AGTPBP1: variants seen among roughly 807,000 people sequenced by gnomAD.
AGTPBP1 encodes the protein cytosolic carboxypeptidase 1.
Under a neutral mutation model 143.9 loss-of-function variants are expected in AGTPBP1, and 70 were observed. That is an observed-to-expected ratio of 0.49 (90% CI 0.40 to 0.59). The LOEUF is 0.59. Among genes scored for constraint, AGTPBP1 ranks in the 20% least tolerant of loss-of-function variants. The probability of loss-of-function intolerance (pLI) is 0.00; values close to 1 mark genes in which losing one functional copy is unlikely to be tolerated. For synonymous variants in AGTPBP1, 463 were observed against 500.2 expected, an observed-to-expected ratio of 0.93 and a Z score of 0.99; for missense variants, 1,229 against 1,464.5, an observed-to-expected ratio of 0.84 and a Z score of 2.62.
At chr9:85,616,177 AT>A (rs1330477411) in intron 17 of AGTPBP1, among the ~76,000 whole-genome samples, 1 of 151,922 alleles carries the variant, frequency 6.6e-6, no homozygotes. Context: ...CAATGGTTTT[AT>A]TTTTTTCTTA....
chr9:85,669,755 T>C (rs1834367510), intron 7 of AGTPBP1, among the ~76,000 whole-genome samples, 177 bp from the exon 8 acceptor site: 1 of 151,370 alleles, frequency 6.6e-6, no homozygotes, highest in South Asian at 2.1e-4. Context: ...GTTTTTGCTT[T>C]GTTATGGAAA....
chr9:85,576,868 G>C (rs1827933642), intron 24 of AGTPBP1, among the ~76,000 whole-genome samples: 1 of 151,994 alleles, frequency 6.6e-6, no homozygotes, highest in Non-Finnish European at 1.5e-5. Flanking sequence ...GAAAGCCCTG[G>C]CTTAGTAAGA....
At chr9:85,765,726 G>A in the AGTPBP1 span, among the ~76,000 whole-genome samples, 6 of 152,134 alleles carry the variant, frequency 3.9e-5, no homozygotes, top group Non-Finnish European at 7.3e-5. Context: ...GCTAAGAGAA[G>A]GTGAATAGCT....
chr9:85,568,905 T>C (rs1270339520), intron 25 of AGTPBP1, among the ~76,000 whole-genome samples: 1 of 152,074 alleles, frequency 6.6e-6, no homozygotes, highest in Non-Finnish European at 1.5e-5. Flanking sequence ...TCTAGACCAG[T>C]TAATTTTGTG....
At chr9:85,768,116 G>A in the AGTPBP1 span, among the ~76,000 whole-genome samples, 2 of 152,226 alleles carry the variant, frequency 1.3e-5, no homozygotes, top group Admixed American at 1.3e-4. Flanking sequence ...TGCTGAGTTA[G>A]AGGGAACTGC....
chr9:85,618,978 C>G lies in AGTPBP1; in HGVS notation c.2335+5G>C, dbSNP rs1375754936. ...CATTTCAATTGGGAAAGAAAACTGTCTTACCATAATTAAACTGACTGTTGG... is the reference window on the plus strand; with the variant it reads ...CATTTCAATTGGGAAAGAAAACTGTGTTACCATAATTAAACTGACTGTTGG... On this transcript the variant is annotated splice_donor_5th_base_variant and intron_variant, in intron 17 of 25. Transcript: ENST00000357081. 1 of 1,608,542 alleles carries G rather than the reference C, an allele frequency of 6.2e-7. No individual in the cohort carries two copies. The highest frequency in any genetic ancestry group is 1.3e-5 in the African/African-American group (1 of 74,580).
At chr9:85,591,773 T>C (rs764254534) in intron 19 of AGTPBP1, among the ~76,000 whole-genome samples, 43 of 152,134 alleles carry the variant, frequency 2.8e-4, no homozygotes, top group Non-Finnish European at 5.4e-4. Flanking sequence ...ATGTTTTTCT[T>C]TCATTTTCTC....
At chr9:85,781,025 G>A in the AGTPBP1 span, among the ~76,000 whole-genome samples, 2 of 152,168 alleles carry the variant, frequency 1.3e-5, no homozygotes, top group African/African-American at 2.4e-5. Flanking sequence ...GCGGAGGCAG[G>A]AGAATGGTGT....
chr9:85,779,804 G>A, the AGTPBP1 span, among the ~76,000 whole-genome samples: 6 of 152,146 alleles, frequency 3.9e-5, no homozygotes, highest in African/African-American at 1.2e-4. Context: ...AAGCTGTAAT[G>A]AGCCATGATT....
At chr9:85,802,962 C>T in the AGTPBP1 span, among the ~76,000 whole-genome samples, 9 of 152,204 alleles carry the variant, frequency 5.9e-5, no homozygotes, top group African/African-American at 2.2e-4. Flanking sequence ...GAAAGAGAGG[C>T]TGAGAAAAGC....
intron 17 of AGTPBP1, among the ~76,000 whole-genome samples, chr9:85,608,187 G>C (rs779033103): frequency 2.0e-5 from 3 of 151,954 alleles, no homozygotes; most frequent in Non-Finnish European, 2.9e-5. Flanking sequence ...CTTTAAAGTA[G>C]ATTTTAGAAT....
At chr9:85,795,884 A>T in the AGTPBP1 span, among the ~76,000 whole-genome samples, 2 of 85,932 alleles carry the variant, frequency 2.3e-5, no homozygotes, top group Non-Finnish European at 2.0e-5. Flanking sequence ...TTTTTTTGAG[A>T]CGGAGGCTGG....
At chr9:85,674,514 G>C (rs1051651237) in intron 6 of AGTPBP1, among the ~76,000 whole-genome samples, 2 of 151,806 alleles carry the variant, frequency 1.3e-5, no homozygotes, top group African/African-American at 4.8e-5. Context: ...TTTTTTAAAT[G>C]AATTTTCTGC....
upstream of AGTPBP1, among the ~76,000 whole-genome samples, chr9:85,743,922 CTTTCTT>C (rs1204366309): frequency 9.6e-4 from 109 of 112,996 alleles, 1 homozygote; most frequent in African/African-American, 2.3e-3. Flanking sequence ...TTTTCTTTTT[CTTTCTT>C]TTTTTTTTTT....
chr9:85,548,676 T>TG lies in AGTPBP1; in HGVS notation c.3504-1391_3504-1390insC, dbSNP rs1491204398. On this transcript the variant is annotated intron_variant, in intron 25 of 25. Transcript: ENST00000357081. Reference sequence around the variant, plus strand: ...ATTATTTGGCTTTGGTTTTTTTTTGTTTTTGTTTTTGTTTTTTGAGACAGA... The same window carrying TG: ...ATTATTTGGCTTTGGTTTTTTTTTGTGTTTTGTTTTTGTTTTTTGAGACAGA... Among the ~76,000 whole-genome samples, 209 of 113,718 alleles carry TG rather than the reference T, an allele frequency of 1.8e-3. 1 individual carries two copies. Among genetic ancestry groups the TG allele is most frequent in the South Asian group, 9.9e-4 (4 of 4,054 alleles). 74.6% of individuals were successfully genotyped at this position (113,718 alleles called of 152,430 possible).
intron 17 of AGTPBP1, among the ~76,000 whole-genome samples, chr9:85,599,742 T>A (rs1829543688): frequency 6.6e-6 from 1 of 152,252 alleles, no homozygotes. Flanking sequence ...TGAATTCTTA[T>A]AAACGCTGAC....
intron 25 of AGTPBP1, among the ~76,000 whole-genome samples, chr9:85,574,463 C>CA (rs4011699): frequency 1.6e-3 from 183 of 116,110 alleles, no homozygotes; most frequent in Middle Eastern, 4.6e-3. Context: ...CAAGAATGAT[C>CA]AAAAAAAAAA....
At chr9:85,556,572 G>C (rs1176822177) in intron 25 of AGTPBP1, among the ~76,000 whole-genome samples, 1 of 152,014 alleles carries the variant, frequency 6.6e-6, no homozygotes, top group Non-Finnish European at 1.5e-5. Flanking sequence ...CAATTACCTG[G>C]TACATACAAG....
chr9:85,658,399 A>G (rs1314802657), intron 9 of AGTPBP1, among the ~76,000 whole-genome samples: 1 of 152,094 alleles, frequency 6.6e-6, no homozygotes, highest in Non-Finnish European at 1.5e-5. Context: ...ATTATTTTTA[A>G]AAGTATTAGT....
Sources: gnomAD v4.1 joint callset for allele counts (sites outside exome capture counted in the v4.1 genomes callset) on GRCh38, gnomAD v4.1.1 for gene constraint, MANE v1.5 for transcripts, NCBI Gene and HGNC (gene_info 2026-07-23, HGNC 2026-07-21) for gene names.